UBE2D1: variants seen among roughly 807,000 people sequenced by gnomAD.
UBE2D1 encodes the protein ubiquitin conjugating enzyme E2 D1.
Under a neutral mutation model 24.6 loss-of-function variants are expected in UBE2D1, and 9 were observed. That is an observed-to-expected ratio of 0.37 (90% CI 0.22 to 0.64). The LOEUF is 0.64. Ranked by LOEUF, UBE2D1 falls within the 30% of genes least tolerant of loss-of-function variation. The probability of loss-of-function intolerance (pLI) is 0.64; values close to 1 mark genes in which losing one functional copy is unlikely to be tolerated. For synonymous variants in UBE2D1, 57 were observed against 57.6 expected, an observed-to-expected ratio of 0.99 and a Z score of 0.04; for missense variants, 87 against 177.1, an observed-to-expected ratio of 0.49 and a Z score of 2.89.
At position 58,361,395 on chromosome 10, in the gene UBE2D1, G is replaced by A; in HGVS notation, c.82G>A (p.Asp28Asn). 6.2e-7 allele frequency: 1 copy of A among 1,614,188 alleles called. No homozygotes were observed. Among genetic ancestry groups the A allele is most frequent in the Non-Finnish European group, 8.5e-7 (1 of 1,180,030 alleles). Residue 28 changes from aspartate to asparagine, a missense_variant, in exon 2 of 7, where the codon GAT becomes AAT. Coordinates refer to ENST00000373910, the MANE Select transcript of UBE2D1 (RefSeq NM_003338.5). Reference protein sequence around the residue: ...PAHCSAGPVGDDLFHWQATIM... With the variant: ...PAHCSAGPVGNDLFHWQATIM... ...TCACTGTTCAGCTGGACCTGTGGGA[G>A]ATGACTGTAAGCCTTGCTCTATTTC...
At chr10:58,343,583 C>T (rs2132316352) in intron 1 of UBE2D1, among the ~76,000 whole-genome samples, 1 of 152,216 alleles carries the variant, frequency 6.6e-6, no homozygotes, top group Admixed American at 6.5e-5. Flanking sequence ...TACACATACA[C>T]AGAGACACAC....
At chr10:58,351,478 G>C (rs1840076564) in intron 1 of UBE2D1, among the ~76,000 whole-genome samples, 1 of 151,900 alleles carries the variant, frequency 6.6e-6, no homozygotes, top group East Asian at 1.9e-4. Context: ...GGCTTACACA[G>C]GGTCAGGATA....
At chr10:58,364,021 T>G (rs1294382763) in intron 4 of UBE2D1, among the ~76,000 whole-genome samples, 1 of 151,438 alleles carries the variant, frequency 6.6e-6, no homozygotes, top group Non-Finnish European at 1.5e-5. Context: ...AGTTGATCAT[T>G]CTTTCTCTGT....
At chr10:58,361,447 A>G in intron 2 of UBE2D1, 46 bp downstream of exon 2, 2 of 1,614,182 alleles carry the variant, frequency 1.2e-6, no homozygotes, top group Non-Finnish European at 1.7e-6. Context: ...TTAAAAATAT[A>G]GGTTTGAACA....
At chr10:58,342,834 G>GTTTTTTTTTTT (rs775705117) in intron 1 of UBE2D1, among the ~76,000 whole-genome samples, 4 of 126,756 alleles carry the variant, frequency 3.2e-5, no homozygotes, top group Admixed American at 7.8e-5. Context: ...TTTTTTTTTT[G>GTTTTTTTTTTT]TTTTTTTTTT....
intron 3 of UBE2D1, among the ~76,000 whole-genome samples, chr10:58,362,122 A>G (rs564761960): frequency 2.0e-5 from 3 of 152,294 alleles, no homozygotes; most frequent in African/African-American, 4.8e-5. Context: ...ATTTCTTTCA[A>G]TACTTTAGAG....
chr10:58,365,090 G>C (rs1840240908), intron 5 of UBE2D1, among the ~76,000 whole-genome samples: 1 of 152,138 alleles, frequency 6.6e-6, no homozygotes, highest in Non-Finnish European at 1.5e-5. Flanking sequence ...ATGATGAAAT[G>C]AGAAAAAACC....
intron 6 of UBE2D1, 142 bp downstream of exon 6, chr10:58,368,158 C>G: frequency 1.7e-6 from 1 of 588,590 alleles, no homozygotes; most frequent in Non-Finnish European, 2.9e-6. Flanking sequence ...TGGAGTAAAC[C>G]TTTCTTTGAG....
chr10:58,364,660 C>T, intron 4 of UBE2D1, 111 bp from the exon 5 acceptor site: 1 of 713,152 alleles, frequency 1.4e-6, no homozygotes, highest in South Asian at 1.8e-5. Context: ...CTTTTCTCCT[C>T]TAAAGTTATG....
At chr10:58,343,167 G>A (rs1839980914) in intron 1 of UBE2D1, among the ~76,000 whole-genome samples, 1 of 152,100 alleles carries the variant, frequency 6.6e-6, no homozygotes, top group Non-Finnish European at 1.5e-5. Context: ...TTAATAGTTT[G>A]TAGACTTCAT....
rs532632504 is a variant in UBE2D1, at chr10:58,368,661, G to A, written c.399-59G>A. The A allele has an allele frequency of 1.3e-5, 16 of 1,247,238 alleles. No homozygotes were observed. The South Asian group carries it at 1.8e-4, about 14-fold the overall frequency. The allele number at this position is 1,247,238 out of a possible 1,614,324, so 77.3% of individuals were successfully genotyped here. On this transcript the variant is annotated intron_variant, in intron 6 of 6. Transcript: ENST00000373910. ...GTAGAATATATAGTTTTATTAGACA[G>A]ATGCTTCTGAAATATTAATTTTGTA...
At chr10:58,342,456 C>T (rs909133346) in intron 1 of UBE2D1, among the ~76,000 whole-genome samples, 4 of 151,926 alleles carry the variant, frequency 2.6e-5, no homozygotes, top group African/African-American at 9.7e-5. Flanking sequence ...AGGTGGCCAC[C>T]CTCCTTATGC....
At chr10:58,351,062 C>A (rs146506802) in intron 1 of UBE2D1, among the ~76,000 whole-genome samples, 141 of 152,232 alleles carry the variant, frequency 9.3e-4, no homozygotes, top group African/African-American at 3.2e-3. Flanking sequence ...AGGGCACTTA[C>A]CATAAATGGA....
At chr10:58,340,721 T>C (rs765062307) in intron 1 of UBE2D1, among the ~76,000 whole-genome samples, 2 of 152,194 alleles carry the variant, frequency 1.3e-5, no homozygotes, top group African/African-American at 4.8e-5. Flanking sequence ...CAATGTGAGC[T>C]ACATTTTAAT....
chr10:58,342,056 G>A (rs1367007030), intron 1 of UBE2D1, among the ~76,000 whole-genome samples: 1 of 152,182 alleles, frequency 6.6e-6, no homozygotes, highest in Non-Finnish European at 1.5e-5. Context: ...TGGTCTCTGA[G>A]AAGCTAAGGT....
chr10:58,351,105 C>T (rs1840071536), intron 1 of UBE2D1, among the ~76,000 whole-genome samples: 1 of 152,170 alleles, frequency 6.6e-6, no homozygotes, highest in African/African-American at 2.4e-5. Flanking sequence ...CTGGGTAAGT[C>T]AGCGAGTAAG....
chr10:58,358,848 A>G (rs892984097), intron 1 of UBE2D1, among the ~76,000 whole-genome samples: 1 of 150,866 alleles, frequency 6.6e-6, no homozygotes. Flanking sequence ...GCAGCCTCGA[A>G]CTCCTGGGTT....
At chr10:58,364,157 T>TAA (rs2132332415) in intron 4 of UBE2D1, among the ~76,000 whole-genome samples, 1 of 152,266 alleles carries the variant, frequency 6.6e-6, no homozygotes, top group East Asian at 1.9e-4. Context: ...AAACACATGT[T>TAA]AGATTTAGAT....
In UBE2D1 at chr10:58,335,175, C is replaced by T. The variant is rs959562138; in HGVS notation, c.-27C>T. Reference sequence around the variant, plus strand: ...AGCCCCGCAGCCGACCCCTGCCGGCCGGTGTCCCCACCGCCATCCCTGACC... The same window carrying T: ...AGCCCCGCAGCCGACCCCTGCCGGCTGGTGTCCCCACCGCCATCCCTGACC... On this transcript the variant is annotated 5_prime_UTR_variant, in exon 1 of 7. Coordinates refer to ENST00000373910, the MANE Select transcript of UBE2D1 (RefSeq NM_003338.5). The T allele has an allele frequency of 6.5e-7, 1 of 1,544,214 alleles. No individual in the cohort carries two copies. Among genetic ancestry groups the T allele is most frequent in the Non-Finnish European group, 8.7e-7 (1 of 1,147,884 alleles).
Sources: allele counts gnomAD v4.1 joint callset (sites outside exome capture counted in the v4.1 genomes callset), GRCh38; gene constraint gnomAD v4.1.1; transcripts MANE v1.5; gene names NCBI Gene and HGNC (gene_info 2026-07-23, HGNC 2026-07-21).